PRDM5: variants seen among roughly 807,000 people sequenced by gnomAD.
PRDM5 encodes PR/SET domain 5.
A neutral mutation model predicts 81.2 loss-of-function variants in PRDM5; 56 were observed. The observed-to-expected ratio is 0.69, with a 90% CI of 0.56 to 0.86. The LOEUF (loss-of-function observed/expected upper bound fraction) is 0.86, where lower values mean the gene tolerates loss of function less well. Among genes scored for constraint, PRDM5 ranks in the 40% least tolerant of loss-of-function variants. The pLI is 0.00. For missense variants in PRDM5, 697 were observed against 770.1 expected (o/e 0.91, Z 1.12); for synonymous variants, 267 against 256.4 (o/e 1.04, Z -0.39).
intron 1 of PRDM5, among the ~76,000 whole-genome samples, chr4:120,920,350 T>G (rs908668291): frequency 2.6e-5 from 4 of 152,260 alleles, no homozygotes; most frequent in Non-Finnish European, 5.9e-5. Context: ...TTCCAAAATT[T>G]GTTTAGAATA....
chr4:120,720,918 A>C (rs1738505172), intron 14 of PRDM5, among the ~76,000 whole-genome samples: 1 of 151,664 alleles, frequency 6.6e-6, no homozygotes, highest in African/African-American at 2.4e-5. Context: ...AGCAACACAT[A>C]GAACACTAAA....
chr4:120,699,598 C>A (rs767151228), intron 15 of PRDM5, among the ~76,000 whole-genome samples: 2 of 152,024 alleles, frequency 1.3e-5, no homozygotes, highest in African/African-American at 4.8e-5. Flanking sequence ...GCCAGCAGTG[C>A]CCAAGCCAGG....
chr4:120,834,564 G>A (rs1331761240), intron 3 of PRDM5, among the ~76,000 whole-genome samples: 3 of 152,128 alleles, frequency 2.0e-5, no homozygotes, highest in Non-Finnish European at 4.4e-5. Context: ...TGTTACAGCA[G>A]CCTGAACAGA....
At chr4:120,846,700 T>G (rs1758688123) in intron 3 of PRDM5, among the ~76,000 whole-genome samples, 1 of 152,282 alleles carries the variant, frequency 6.6e-6, no homozygotes, top group East Asian at 1.9e-4. Context: ...TTGCATATAT[T>G]ATCTCATTTA....
intron 2 of PRDM5, among the ~76,000 whole-genome samples, chr4:120,882,635 T>C (rs1762970922): frequency 6.6e-6 from 1 of 152,346 alleles, no homozygotes; most frequent in East Asian, 1.9e-4. Flanking sequence ...ATGTATATAA[T>C]GCATGTATAA....
chr4:120,701,753 A>G (rs542643670), intron 15 of PRDM5, among the ~76,000 whole-genome samples: 1 of 152,236 alleles, frequency 6.6e-6, no homozygotes, highest in African/African-American at 2.4e-5. Flanking sequence ...TTCACACCTA[A>G]AACCTCAGTA....
rs72921524 is a variant in PRDM5, at chr4:120,764,133, T to C, written c.1538-9495A>G. Among the ~76,000 whole-genome samples the C allele has an allele frequency of 3.3e-3, 501 of 152,294 alleles. 1 individual carries two copies. Among genetic ancestry groups the C allele is most frequent in the African/African-American group, 0.011 (464 of 41,576 alleles). ...ATGCAAGTTTAATAGAGGTATGCTA[T>C]TATCTAATAATTTACCAATAGATAA... On this transcript the variant is annotated intron_variant, in intron 13 of 15. Coordinates refer to ENST00000264808, the MANE Select transcript of PRDM5 (RefSeq NM_018699.4).
At chr4:120,835,117 A>G in intron 3 of PRDM5, among the ~76,000 whole-genome samples, 1 of 152,358 alleles carries the variant, frequency 6.6e-6, no homozygotes, top group African/African-American at 2.4e-5. Flanking sequence ...ACTTGAGCAC[A>G]TAAGGTGAAG....
At chr4:120,829,389 G>A (rs573816617) in intron 3 of PRDM5, among the ~76,000 whole-genome samples, 2 of 152,036 alleles carry the variant, frequency 1.3e-5, no homozygotes, top group East Asian at 1.9e-4. Context: ...TTCCACATCC[G>A]GCATTATGTG....
At chr4:120,863,191 T>TATATATACAC (rs1553997193) in intron 2 of PRDM5, among the ~76,000 whole-genome samples, 5 of 70,322 alleles carry the variant, frequency 7.1e-5, no homozygotes, top group South Asian at 1.1e-3. Flanking sequence ...TATATATATA[T>TATATATACAC]ACACACACAC....
In PRDM5 at chr4:120,693,938, A is replaced by C. The variant is rs1233050443; in HGVS notation, c.*1173T>G. 4 of 152,128 alleles carry C rather than the reference A, an allele frequency of 2.6e-5. No homozygotes were observed. Among genetic ancestry groups the C allele is most frequent in the Non-Finnish European group, 5.9e-5 (4 of 68,018 alleles). 9.4% of individuals were successfully genotyped at this position (152,128 alleles called of 1,614,324 possible). A position where few individuals can be genotyped will look rare whatever the true frequency, so the allele number is the denominator to read the frequency against. The stretch of plus-strand genomic sequence containing the variant: ...AGTATTTTGCTGAAATATAACCTAA[A>C]GGAAGAAATTATGCTTCTTGCTTCA... On this transcript the variant is annotated 3_prime_UTR_variant, in exon 16 of 16. Transcript: ENST00000264808.
chr4:120,693,731 A>AT lies in PRDM5; in HGVS notation c.*1379dup, dbSNP rs1292021381. On this transcript the variant is annotated 3_prime_UTR_variant, in exon 16 of 16. Coordinates refer to ENST00000264808, the MANE Select transcript of PRDM5 (RefSeq NM_018699.4). ...TTTCTCCTTAACTCATTAGAACCAA[A>AT]TAACTTCCTTAAAACTATACTTCCT... 1 of 152,100 alleles carries AT rather than the reference A, an allele frequency of 6.6e-6. No individual in the cohort carries two copies. The highest frequency in any genetic ancestry group is 2.4e-5 in the African/African-American group (1 of 41,416). The allele number at this position is 152,100 out of a possible 1,614,324, so 9.4% of individuals were successfully genotyped here.
chr4:120,914,423 T>A (rs1723867602), intron 1 of PRDM5, among the ~76,000 whole-genome samples: 1 of 152,168 alleles, frequency 6.6e-6, no homozygotes, highest in Non-Finnish European at 1.5e-5. Context: ...AAACCTCACA[T>A]ATAAAACCAT....
intron 14 of PRDM5, among the ~76,000 whole-genome samples, chr4:120,741,580 C>T (rs1013017680): frequency 6.6e-6 from 1 of 151,870 alleles, no homozygotes; most frequent in Non-Finnish European, 1.5e-5. Flanking sequence ...GCACTGTGCA[C>T]GAGCCGAAGC....
chr4:120,792,415 A>G (rs576742334), intron 10 of PRDM5, among the ~76,000 whole-genome samples: 13 of 152,200 alleles, frequency 8.5e-5, no homozygotes, highest in Non-Finnish European at 1.9e-4. Context: ...TTATTTTCAT[A>G]AGATATCTAC....
Sources: gnomAD v4.1 joint callset for allele counts (sites outside exome capture counted in the v4.1 genomes callset) on GRCh38, gnomAD v4.1.1 for gene constraint, MANE v1.5 for transcripts, NCBI Gene and HGNC (gene_info 2026-07-23, HGNC 2026-07-21) for gene names.